Variants in MYRIP observed in about 807,000 individuals in gnomAD.
MYRIP encodes the protein myosin VIIA and Rab interacting protein.
MYRIP carries 49 observed loss-of-function variants against 98.0 expected under a neutral mutation model. The observed-to-expected ratio is 0.50, with a 90% CI of 0.40 to 0.63. The LOEUF (loss-of-function observed/expected upper bound fraction) is 0.63, where lower values mean the gene tolerates loss of function less well. Among genes scored for constraint, MYRIP ranks in the 30% least tolerant of loss-of-function variants. The pLI is 0.00. For missense variants in MYRIP, 1,004 were observed against 1,058.2 expected, an observed-to-expected ratio of 0.95 and a Z score of 0.71; for synonymous variants, 404 against 409.5, an observed-to-expected ratio of 0.99 and a Z score of 0.16.
At chr3:39,963,096 T>A (rs1945363483) in intron 2 of MYRIP, among the ~76,000 whole-genome samples, 1 of 152,130 alleles carries the variant, frequency 6.6e-6, no homozygotes, top group South Asian at 2.1e-4. Flanking sequence ...AGGCACATAC[T>A]TTGGATTACA....
chr3:40,021,869 G>A (rs1947007931), intron 2 of MYRIP, among the ~76,000 whole-genome samples: 1 of 152,200 alleles, frequency 6.6e-6, no homozygotes, highest in Non-Finnish European at 1.5e-5. Flanking sequence ...TGGCACTGAA[G>A]ATGTGAAAAC....
intron 10 of MYRIP, among the ~76,000 whole-genome samples, chr3:40,191,886 C>G (rs1951219813): frequency 6.6e-6 from 1 of 152,144 alleles, no homozygotes; most frequent in Non-Finnish European, 1.5e-5. Context: ...GCATGATTCA[C>G]TTGCAGGTGT....
chr3:39,846,351 TC>T (rs1941965828), intron 1 of MYRIP, among the ~76,000 whole-genome samples: 1 of 152,150 alleles, frequency 6.6e-6, no homozygotes, highest in Admixed American at 6.6e-5. Context: ...TGGACTCTGA[TC>T]CCCACTCACC....
At chr3:40,084,110 C>G (rs1446571150) in intron 3 of MYRIP, among the ~76,000 whole-genome samples, 2 of 114,652 alleles carry the variant, frequency 1.7e-5, no homozygotes, top group Non-Finnish European at 3.3e-5. Flanking sequence ...GCACTCCAAC[C>G]TGGGCAACAG....
Position 40,158,459 on chromosome 3 carries a change from A to C in MYRIP, c.470-4271A>C, listed in dbSNP as rs567986765. 3.6e-4 allele frequency among the ~76,000 whole-genome samples: 54 copies of C among 152,102 alleles called. 1 individual carries two copies. In the East Asian group the frequency reaches 7.8e-3, roughly 22 times the overall value. On this transcript the variant is annotated intron_variant, in intron 4 of 16. Coordinates refer to ENST00000302541, the MANE Select transcript of MYRIP (RefSeq NM_015460.4). ...AATAGGTGTGGTGTGGTGCTGAAAA[A>C]AATGTATATTCTGTTGATTTGGGGT...
chr3:40,086,262 C>T (rs551619338), intron 3 of MYRIP, among the ~76,000 whole-genome samples: 9 of 152,330 alleles, frequency 5.9e-5, no homozygotes, highest in Admixed American at 1.3e-4. Context: ...TAACTTCTCA[C>T]GGTCTGAAAG....
chr3:39,913,408 G>A (rs970267014), intron 2 of MYRIP, among the ~76,000 whole-genome samples: 6 of 152,214 alleles, frequency 3.9e-5, no homozygotes, highest in African/African-American at 1.4e-4. Context: ...TAATATCAAA[G>A]GAAGGTCTTT....
chr3:40,212,288 A>T (rs1303151530), intron 11 of MYRIP, among the ~76,000 whole-genome samples: 1 of 141,904 alleles, frequency 7.0e-6, no homozygotes, highest in Non-Finnish European at 1.6e-5. Flanking sequence ...AGAGCGCCAT[A>T]TAGACTATAT....
At chr3:39,970,738 A>T (rs992891693) in intron 2 of MYRIP, among the ~76,000 whole-genome samples, 1 of 152,136 alleles carries the variant, frequency 6.6e-6, no homozygotes, top group African/African-American at 2.4e-5. Flanking sequence ...GTGATTCCAT[A>T]AAAATTGTAT....
At chr3:39,987,426 G>T (rs1000213340) in intron 2 of MYRIP, among the ~76,000 whole-genome samples, 1 of 152,082 alleles carries the variant, frequency 6.6e-6, no homozygotes, top group South Asian at 2.1e-4. Context: ...ATTTGGGTTG[G>T]CTCTATGTCT....
In MYRIP at chr3:40,180,383, G is replaced by C. The variant is rs150048493; in HGVS notation, c.874-1837G>C. Among the ~76,000 whole-genome samples the C allele has an allele frequency of 2.5e-4, 38 of 152,362 alleles. 1 individual carries two copies. In the East Asian group the frequency reaches 7.1e-3, roughly 29 times the overall value. Reference sequence around the variant, plus strand: ...ACTAGTTACTGTGCCAGGGGCTACAGATGTCACTGCTAAAAGAACATTACC... The same window carrying C: ...ACTAGTTACTGTGCCAGGGGCTACACATGTCACTGCTAAAAGAACATTACC... On this transcript the variant is annotated intron_variant, in intron 8 of 16. Transcript: ENST00000302541.
At position 40,066,424 on chromosome 3, in the gene MYRIP, A is replaced by G. The variant is rs143786395; in HGVS notation, c.332+22153A>G. The stretch of plus-strand genomic sequence containing the variant: ...TTTTTTTTTCCTTTATTTATGTGGC[A>G]TCCCCACTCCTGTTCAGAGGGTGTT... On this transcript the variant is annotated intron_variant, in intron 3 of 16. Coordinates refer to ENST00000302541, the MANE Select transcript of MYRIP (RefSeq NM_015460.4). Among the ~76,000 whole-genome samples, 5 of 152,244 alleles carry G rather than the reference A, an allele frequency of 3.3e-5. No individual in the cohort carries two copies. In the East Asian group the frequency reaches 9.7e-4, roughly 29 times the overall value.
At chr3:39,872,172 T>A (rs577178515) in intron 1 of MYRIP, among the ~76,000 whole-genome samples, 6 of 152,228 alleles carry the variant, frequency 3.9e-5, no homozygotes, top group South Asian at 2.1e-4. Context: ...CTTCTGATTA[T>A]AAAGTTAATG....
intron 8 of MYRIP, among the ~76,000 whole-genome samples, chr3:40,179,965 C>T (rs1950848893): frequency 6.6e-6 from 1 of 152,210 alleles, no homozygotes; most frequent in South Asian, 2.1e-4. Context: ...CAATCTCTAT[C>T]CTCTCTGAAA....
At chr3:39,873,420 G>A (rs376646167) in intron 1 of MYRIP, among the ~76,000 whole-genome samples, 20 of 152,100 alleles carry the variant, frequency 1.3e-4, no homozygotes, top group Non-Finnish European at 2.2e-4. Context: ...GCCCATGCCT[G>A]TGTCCTGAAT....
At position 39,821,347 on chromosome 3, in the gene MYRIP, T is replaced by TTA. The variant is rs1941097799; in HGVS notation, c.-31+11432_-31+11433dup. The stretch of plus-strand genomic sequence containing the variant: ...GACCCCTGTACCACCCCGCCCCGAC[T>TTA]TAGTGCCTTCTTTGCCTTTTGGCCA... On this transcript the variant is annotated intron_variant, in intron 1 of 16. Coordinates refer to ENST00000302541, the MANE Select transcript of MYRIP (RefSeq NM_015460.4). Among the ~76,000 whole-genome samples, 3 of 139,650 alleles carry TTA rather than the reference T, an allele frequency of 2.1e-5. No individual in the cohort carries two copies. In the South Asian group the frequency reaches 7.8e-4, roughly 36 times the overall value. The allele number at this position is 139,650 out of a possible 152,430, so 91.6% of individuals were successfully genotyped here. A position where few individuals can be genotyped will look rare whatever the true frequency, so the allele number is the denominator to read the frequency against.
rs577932130 is a variant in MYRIP, at chr3:39,846,601, A to G, written c.-31+36685A>G. On this transcript the variant is annotated intron_variant, in intron 1 of 16. Coordinates refer to ENST00000302541, the MANE Select transcript of MYRIP (RefSeq NM_015460.4). ...TGAAGTTGTTCAGGCTGCCACCTCT[A>G]TATAGCAAAACAAAAACTGTGTCAT... 2.2e-4 allele frequency among the ~76,000 whole-genome samples: 33 copies of G among 152,232 alleles called. 1 individual carries two copies. In the East Asian group the frequency reaches 3.7e-3, roughly 17 times the overall value.
intron 3 of MYRIP, among the ~76,000 whole-genome samples, chr3:40,074,288 A>T (rs1344752508): frequency 6.6e-6 from 1 of 151,922 alleles, no homozygotes; most frequent in Non-Finnish European, 1.5e-5. Flanking sequence ...GTTAGCCAAG[A>T]TGGTTTCGAT....
chr3:39,868,398 C>A (rs1009289137), intron 1 of MYRIP, among the ~76,000 whole-genome samples: 3 of 152,104 alleles, frequency 2.0e-5, no homozygotes, highest in Non-Finnish European at 4.4e-5. Context: ...CTGGGTTTTT[C>A]TTTTCTCCTG....
Sources: allele counts gnomAD v4.1 joint callset (sites outside exome capture counted in the v4.1 genomes callset), GRCh38; gene constraint gnomAD v4.1.1; transcripts MANE v1.5; gene names NCBI Gene and HGNC (gene_info 2026-07-23, HGNC 2026-07-21).